The following RIMS2 variants were observed in gnomAD, a reference collection of about 807,000 sequenced individuals.
RIMS2 encodes regulating synaptic membrane exocytosis 2.
In RIMS2, 59 loss-of-function variants were observed where a neutral mutation model predicts 174.4. The ratio of observed to expected loss-of-function variants is 0.34; its 90% CI spans 0.27 to 0.42. RIMS2 has a LOEUF of 0.42. RIMS2 is among the 10% of genes least tolerant of loss of function. The pLI is 1.00. For synonymous variants in RIMS2, 606 were observed against 572.5 expected, an observed-to-expected ratio of 1.06 and a Z score of -0.84; for missense variants, 1,620 against 1,666.3, an observed-to-expected ratio of 0.97 and a Z score of 0.48.
chr8:103,982,729 T>G (rs1262075139), intron 16 of RIMS2, among the ~76,000 whole-genome samples: 2 of 152,054 alleles, frequency 1.3e-5, no homozygotes, highest in Non-Finnish European at 2.9e-5. Context: ...CTCAAAAAAC[T>G]GGGGATGCAA....
intron 1 of RIMS2, among the ~76,000 whole-genome samples, chr8:103,586,136 A>G (rs940608841): frequency 6.6e-6 from 1 of 152,214 alleles, no homozygotes; most frequent in Non-Finnish European, 1.5e-5. Flanking sequence ...GTAGGCCCCA[A>G]TACAATAATA....
intron 1 of RIMS2, among the ~76,000 whole-genome samples, chr8:103,579,912 G>T (rs536652512): frequency 6.6e-6 from 1 of 152,308 alleles, no homozygotes; most frequent in South Asian, 2.1e-4. Context: ...GACAGAGAGA[G>T]TGAAGACGGA....
intron 16 of RIMS2, among the ~76,000 whole-genome samples, chr8:103,979,017 C>T (rs953429628): frequency 3.3e-5 from 5 of 152,076 alleles, no homozygotes; most frequent in Admixed American, 6.6e-5. Context: ...CCAGATAAAA[C>T]ATTGTCTCTG....
chr8:103,952,512 A>G (rs909082361), intron 14 of RIMS2, among the ~76,000 whole-genome samples: 3 of 152,218 alleles, frequency 2.0e-5, no homozygotes, highest in Non-Finnish European at 4.4e-5. Flanking sequence ...GACCTGCAGC[A>G]GAGGAGCCTG....
chr8:103,585,756 A>C lies in RIMS2; in HGVS notation c.176+84694A>C, dbSNP rs966197312. 2.0e-5 allele frequency among the ~76,000 whole-genome samples: 3 copies of C among 152,038 alleles called. No individual in the cohort carries two copies. In the East Asian group the frequency reaches 5.8e-4, roughly 29 times the overall value. On this transcript the variant is annotated intron_variant, in intron 1 of 23. Transcript: ENST00000504942. The stretch of plus-strand genomic sequence containing the variant: ...GGTTGGGGGCAAGGGGAGGGAGTGC[A>C]TTAAGATAAATACCTAATGCATGCG...
At chr8:103,682,209 G>A (rs1010043612) in intron 1 of RIMS2, among the ~76,000 whole-genome samples, 6 of 151,984 alleles carry the variant, frequency 3.9e-5, no homozygotes, top group Non-Finnish European at 8.8e-5. Flanking sequence ...CTGAACTAGA[G>A]GTATACATTT....
intron 1 of RIMS2, among the ~76,000 whole-genome samples, chr8:103,606,750 A>T (rs1452001932): frequency 6.6e-6 from 1 of 152,060 alleles, no homozygotes. Flanking sequence ...CTTTACCATT[A>T]TATAATGGCC....
intron 19 of RIMS2, among the ~76,000 whole-genome samples, chr8:104,063,158 C>T (rs936977963): frequency 6.6e-5 from 10 of 151,880 alleles, no homozygotes; most frequent in African/African-American, 1.7e-4. Context: ...TTAATATTTA[C>T]ACCAATACCT....
chr8:104,057,901 T>A (rs974079525), intron 19 of RIMS2, among the ~76,000 whole-genome samples: 15 of 151,896 alleles, frequency 9.9e-5, no homozygotes, highest in Non-Finnish European at 2.1e-4. Context: ...CATGAACTCA[T>A]CATTTTTTAT....
At chr8:104,208,509 A>G (rs2099091030) in intron 19 of RIMS2, among the ~76,000 whole-genome samples, 1 of 152,018 alleles carries the variant, frequency 6.6e-6, no homozygotes, top group Admixed American at 6.6e-5. Context: ...CGGAAGTGGC[A>G]GTGATCCGAG....
chr8:103,812,149 A>G (rs909532901), intron 3 of RIMS2, among the ~76,000 whole-genome samples: 1 of 152,130 alleles, frequency 6.6e-6, no homozygotes, highest in Non-Finnish European at 1.5e-5. Flanking sequence ...AAACTGATGT[A>G]ACAATTCTGA....
In RIMS2 at chr8:103,880,496, A is replaced by G. The variant is rs2099161986; in HGVS notation, c.699-4802A>G. The G allele has an allele frequency of 1.3e-5, 5 of 379,306 alleles. No homozygotes were observed. The East Asian group carries it at 1.9e-4, about 14-fold the overall frequency. 23.5% of individuals were successfully genotyped at this position (379,306 alleles called of 1,614,324 possible). A position where few individuals can be genotyped will look rare whatever the true frequency, so the allele number is the denominator to read the frequency against. On this transcript the variant is annotated intron_variant, in intron 3 of 23. Transcript: ENST00000504942. The stretch of plus-strand genomic sequence containing the variant: ...TTTGAATGAGTGTTGTTTTTGTGTA[A>G]TTTTTTAGTAACTTAGTTTTGAAAT...
At chr8:104,167,008 T>G (rs914536918) in intron 19 of RIMS2, among the ~76,000 whole-genome samples, 1 of 152,218 alleles carries the variant, frequency 6.6e-6, no homozygotes, top group Non-Finnish European at 1.5e-5. Flanking sequence ...ATGCCACATT[T>G]ATCTACTCAT....
At chr8:103,873,504 T>A (rs1429944224) in intron 3 of RIMS2, among the ~76,000 whole-genome samples, 1 of 152,084 alleles carries the variant, frequency 6.6e-6, no homozygotes, top group Non-Finnish European at 1.5e-5. Context: ...GTTTCTGAAT[T>A]AGGTTAGCAG....
At chr8:103,978,641 G>T (rs1409706685) in intron 16 of RIMS2, among the ~76,000 whole-genome samples, 1 of 152,188 alleles carries the variant, frequency 6.6e-6, no homozygotes, top group Non-Finnish European at 1.5e-5. Context: ...AAATACCTGG[G>T]TATAATGATC....
chr8:104,025,615 T>C (rs2096238135), intron 19 of RIMS2, among the ~76,000 whole-genome samples: 1 of 152,198 alleles, frequency 6.6e-6, no homozygotes, highest in Non-Finnish European at 1.5e-5. Context: ...GCTATAATTT[T>C]GTATTTGTGG....
chr8:103,580,689 C>T (rs2093558640), intron 1 of RIMS2, among the ~76,000 whole-genome samples: 1 of 152,104 alleles, frequency 6.6e-6, no homozygotes, highest in African/African-American at 2.4e-5. Context: ...GAGAGCAACA[C>T]TGTGGTAAAA....
At chr8:103,888,640 G>C (rs1030515061) in intron 4 of RIMS2, among the ~76,000 whole-genome samples, 3 of 151,462 alleles carry the variant, frequency 2.0e-5, no homozygotes, top group African/African-American at 7.3e-5. Context: ...GTGCTTGAAA[G>C]CTTTTTTATA....
At chr8:103,953,006 G>T (rs1263113665) in intron 14 of RIMS2, among the ~76,000 whole-genome samples, 1 of 152,046 alleles carries the variant, frequency 6.6e-6, no homozygotes, top group Non-Finnish European at 1.5e-5. Flanking sequence ...GTGGAAGAAA[G>T]GATATCAGAG....
Sources: gnomAD v4.1 joint callset for allele counts (sites outside exome capture counted in the v4.1 genomes callset) on GRCh38, gnomAD v4.1.1 for gene constraint, MANE v1.5 for transcripts, NCBI Gene and HGNC (gene_info 2026-07-23, HGNC 2026-07-21) for gene names.